Variants in MTUS2 observed in about 807,000 individuals in gnomAD.
MTUS2 encodes microtubule associated scaffold protein 2.
MTUS2 carries 40 observed loss-of-function variants against 114.1 expected under a neutral mutation model. That is an observed-to-expected ratio of 0.35 (90% CI 0.27 to 0.46). MTUS2 has a LOEUF of 0.46. MTUS2 is among the 20% of genes least tolerant of loss of function. The probability of loss-of-function intolerance (pLI) is 1.00; values close to 1 mark genes in which losing one functional copy is unlikely to be tolerated. For synonymous variants in MTUS2, 688 were observed against 672.0 expected (o/e 1.02, Z -0.37); for missense variants, 1,679 against 1,705.4 (o/e 0.98, Z 0.27).
intron 2 of MTUS2, among the ~76,000 whole-genome samples, chr13:28,968,273 A>G (rs1391807841): frequency 6.6e-6 from 1 of 152,212 alleles, no homozygotes; most frequent in Non-Finnish European, 1.5e-5. Context: ...CCAAAGTACA[A>G]AATAAAGGCC....
At chr13:29,019,671 G>A (rs1391686506) in intron 2 of MTUS2, among the ~76,000 whole-genome samples, 1 of 152,190 alleles carries the variant, frequency 6.6e-6, no homozygotes, top group Non-Finnish European at 1.5e-5. Context: ...GGAACTAGAG[G>A]GTGATTTATA....
intron 7 of MTUS2, among the ~76,000 whole-genome samples, chr13:29,345,447 A>G (rs1250221695): frequency 6.6e-5 from 10 of 151,416 alleles, no homozygotes; most frequent in East Asian, 6.0e-4. Context: ...GTTTGATTCT[A>G]TTGGTGACAG....
chr13:29,437,963 A>AG lies in MTUS2; in HGVS notation c.3118-2019dup, dbSNP rs1555278711. ...ATCTTATCTCAAAAAAAAAAAAAAA[A>AG]GTATAAGACTGATATGCAAATTCTA... On this transcript the variant is annotated intron_variant, in intron 8 of 15. Transcript: ENST00000612955. 8.4e-3 allele frequency among the ~76,000 whole-genome samples: 1,202 copies of AG among 143,240 alleles called. 20 individuals are homozygous for AG. The highest frequency in any genetic ancestry group is 0.028 in the African/African-American group (1,087 of 39,242). 94.0% of individuals were successfully genotyped at this position (143,240 alleles called of 152,430 possible).
At chr13:29,384,054 A>G (rs889231435) in intron 8 of MTUS2, among the ~76,000 whole-genome samples, 2 of 152,254 alleles carry the variant, frequency 1.3e-5, no homozygotes, top group Non-Finnish European at 2.9e-5. Context: ...CTTTAAGCTA[A>G]TGAATGCTTT....
At chr13:29,001,909 A>T (rs1449431899) in intron 2 of MTUS2, among the ~76,000 whole-genome samples, 1 of 152,218 alleles carries the variant, frequency 6.6e-6, no homozygotes, top group Non-Finnish European at 1.5e-5. Flanking sequence ...AAGGGGCTAC[A>T]GCTAAGCATT....
intron 2 of MTUS2, among the ~76,000 whole-genome samples, chr13:28,847,264 T>G (rs1593242398): frequency 6.6e-6 from 1 of 152,306 alleles, no homozygotes; most frequent in East Asian, 1.9e-4. Context: ...TTGAGGTTTT[T>G]TTTTGGTTCC....
At chr13:29,214,076 A>T (rs746572798) in intron 5 of MTUS2, among the ~76,000 whole-genome samples, 1 of 151,866 alleles carries the variant, frequency 6.6e-6, no homozygotes, top group Non-Finnish European at 1.5e-5. Context: ...TTTATATATG[A>T]TGTATGAATC....
At chr13:29,122,579 G>A (rs1418707975) in intron 5 of MTUS2, among the ~76,000 whole-genome samples, 1 of 152,092 alleles carries the variant, frequency 6.6e-6, no homozygotes, top group Non-Finnish European at 1.5e-5. Context: ...GGAATTGTGG[G>A]AACTACAATT....
chr13:28,970,126 TAAAG>T (rs1181896051), intron 2 of MTUS2, among the ~76,000 whole-genome samples: 4 of 152,236 alleles, frequency 2.6e-5, no homozygotes, highest in African/African-American at 9.6e-5. Flanking sequence ...CCTACAGTGA[TAAAG>T]AACACTAGAA....
At chr13:29,005,604 C>T (rs1480413601) in intron 2 of MTUS2, among the ~76,000 whole-genome samples, 4 of 152,114 alleles carry the variant, frequency 2.6e-5, no homozygotes, top group South Asian at 2.1e-4. Flanking sequence ...GTGCTGTAAG[C>T]GAGGCACAGG....
At chr13:29,005,485 A>T (rs4110544) in intron 2 of MTUS2, among the ~76,000 whole-genome samples, 67,002 of 151,988 alleles carry the variant, frequency 0.44, 15,334 homozygotes, top group East Asian at 0.68. Flanking sequence ...AATGACAAGG[A>T]CCCTGCCCTC....
chr13:29,293,904 G>A (rs1566114111), intron 6 of MTUS2, among the ~76,000 whole-genome samples: 2 of 151,858 alleles, frequency 1.3e-5, no homozygotes, highest in African/African-American at 2.4e-5. Context: ...TATAGAAAAA[G>A]TTGGAAAATA....
At chr13:29,046,984 G>A (rs1321757897) in intron 4 of MTUS2, among the ~76,000 whole-genome samples, 1 of 152,228 alleles carries the variant, frequency 6.6e-6, no homozygotes, top group Non-Finnish European at 1.5e-5. Flanking sequence ...TACAGAGGCA[G>A]GACTTGCGTC....
At chr13:29,012,154 C>T (rs1161628697) in intron 2 of MTUS2, among the ~76,000 whole-genome samples, 2 of 152,158 alleles carry the variant, frequency 1.3e-5, no homozygotes, top group Admixed American at 6.5e-5. Flanking sequence ...GAGTCTAAGG[C>T]GTATGGAAGA....
intron 5 of MTUS2, among the ~76,000 whole-genome samples, chr13:29,130,531 T>C (rs1891714186): frequency 1.3e-5 from 2 of 152,232 alleles, no homozygotes; most frequent in African/African-American, 4.8e-5. Flanking sequence ...CTTCTGCCCC[T>C]GCACACTCAG....
At chr13:29,038,758 GAGAGGCAGTCTGGTTAC>G (rs1315811640) in intron 4 of MTUS2, among the ~76,000 whole-genome samples, 1 of 152,274 alleles carries the variant, frequency 6.6e-6, no homozygotes, top group African/African-American at 2.4e-5. Context: ...GAGGAATCTA[GAGAGGCAGTCTGGTTAC>G]AGCCACTTTG....
intron 5 of MTUS2, among the ~76,000 whole-genome samples, chr13:29,188,716 C>G (rs1894323856): frequency 1.3e-5 from 2 of 152,158 alleles, no homozygotes; most frequent in Admixed American, 6.5e-5. Context: ...TAGAAACATA[C>G]ACATATAAGC....
At chr13:29,484,261 T>G (rs17073514) in intron 10 of MTUS2, 12,281 of 152,342 alleles carry the variant, frequency 0.081, 1,361 homozygotes, top group African/African-American at 0.25. Context: ...TAATCCAAAT[T>G]CACAGAGGCC....
intron 5 of MTUS2, among the ~76,000 whole-genome samples, chr13:29,224,632 T>C (rs1283875946): frequency 6.6e-6 from 1 of 152,230 alleles, no homozygotes; most frequent in Non-Finnish European, 1.5e-5. Flanking sequence ...AATATTCTTA[T>C]TTTAAAATCT....
Sources: gnomAD v4.1 joint callset for allele counts (sites outside exome capture counted in the v4.1 genomes callset) on GRCh38, gnomAD v4.1.1 for gene constraint, MANE v1.5 for transcripts, NCBI Gene and HGNC (gene_info 2026-07-23, HGNC 2026-07-21) for gene names.